The following NBPF12 variants were observed in gnomAD, a reference collection of about 807,000 sequenced individuals.
NBPF12 encodes the protein NBPF family member NBPF12.
A neutral mutation model predicts 146.4 loss-of-function variants in NBPF12; 115 were observed. That is an observed-to-expected ratio of 0.79 (90% confidence interval 0.68 to 0.92). NBPF12 has a LOEUF of 0.92. Ranked by LOEUF, NBPF12 falls within the 40% of genes least tolerant of loss-of-function variation. The pLI, the probability that NBPF12 is intolerant of heterozygous loss-of-function variation, is 0.00. For synonymous variants in NBPF12, 385 were observed against 508.9 expected (o/e 0.76, Z 3.28); for missense variants, 1,205 against 1,326.8 (o/e 0.91, Z 1.43).
rs1471997893 is a variant in NBPF12 at position 146,957,918 on chromosome 1, C to T, written c.-183-1941C>T. On this transcript the variant is annotated intron_variant, in intron 2 of 33. Coordinates refer to ENST00000617844, the Ensembl canonical transcript of NBPF12. The stretch of plus-strand genomic sequence containing the variant: ...ATATATATACACGTATGTATATACA[C>T]GTATATAATATATATTCGTGTGTGT... Among the ~76,000 whole-genome samples, 728 of 115,264 alleles carry T rather than the reference C, an allele frequency of 6.3e-3. 137 individuals are homozygous for T. Among genetic ancestry groups the T allele is most frequent in the Non-Finnish European group, 9.3e-3 (512 of 54,952 alleles). 75.6% of individuals were successfully genotyped at this position (115,264 alleles called of 152,430 possible).
At chr1:146,992,730 G>GGCT (rs1658285255) in exon 32 of NBPF12, 1 of 675,314 alleles carries the variant, frequency 1.5e-6, no homozygotes, top group Non-Finnish European at 2.7e-6. Context: ...GGGAGCTGCT[G>GGCT]GAGGTAGTAG....
intron 2 of NBPF12, among the ~76,000 whole-genome samples, chr1:146,959,123 AAAATG>A (rs1655723692): frequency 1.0e-5 from 1 of 99,828 alleles, no homozygotes; most frequent in African/African-American, 3.6e-5. Flanking sequence ...TGGCCAAAAC[AAAATG>A]AAACAAGGGA....
At chr1:146,994,261 C>T in intron 33 of NBPF12, 71 bp from the exon 37 acceptor site, 4 of 1,610,644 alleles carry the variant, frequency 2.5e-6, no homozygotes, top group African/African-American at 1.3e-5. Flanking sequence ...TATGTTACTT[C>T]TGAAATCTAG....
At chr1:146,981,610 G>A (rs1657399455) in intron 19 of NBPF12, among the ~76,000 whole-genome samples, 1 of 151,794 alleles carries the variant, frequency 6.6e-6, no homozygotes, top group Non-Finnish European at 1.5e-5. Flanking sequence ...TTCCTTGTTA[G>A]GTTGGGGAAG....
chr1:146,968,827 C>A (rs1374582474), intron 10 of NBPF12, among the ~76,000 whole-genome samples: 3 of 151,338 alleles, frequency 2.0e-5, no homozygotes, highest in Non-Finnish European at 4.4e-5. Context: ...GAGTGTGAAC[C>A]ACACAGCAGC....
Position 146,968,519 on chromosome 1 carries a change from GC to G in NBPF12, c.1061del (p.Ala354GlufsTer4), listed in dbSNP as rs1656349363. 1.9e-6 allele frequency: 3 copies of G among 1,610,522 alleles called. No homozygotes were observed. The South Asian group carries it at 3.3e-5, about 18-fold the overall frequency. ...GCTACAGTTCAAGGAGGAGAAGCTT[GC>G]AGAGCAGCTGAAGCAAGCTGAGGAG... On this transcript the variant is annotated frameshift_variant, in exon 10 of 34. Coordinates refer to ENST00000617844, the Ensembl canonical transcript of NBPF12. LOFTEE classifies it high-confidence loss of function.
chr1:146,984,719 C>G (rs1337473761), intron 21 of NBPF12, 94 bp from the exon 25 acceptor site: 2 of 744,546 alleles, frequency 2.7e-6, no homozygotes, highest in Non-Finnish European at 4.7e-6. Flanking sequence ...TTTTTCTTTT[C>G]AAACTCTTCC....
intron 6 of NBPF12, 30 bp from the exon 10 acceptor site, chr1:146,964,327 C>G: frequency 3.9e-6 from 6 of 1,519,520 alleles, no homozygotes; most frequent in Non-Finnish European, 9.1e-7. Flanking sequence ...TGAAGTGGGA[C>G]ATATCTGAAT....
exon 21 of NBPF12, chr1:146,984,154 A>G: frequency 1.1e-6 from 1 of 892,062 alleles, no homozygotes; most frequent in Non-Finnish European, 1.8e-6. Flanking sequence ...GGATCAAGTG[A>G]AAAAGGAGGA....
intron 13 of NBPF12, 63 bp from the exon 17 acceptor site, chr1:146,972,688 G>T: frequency 6.9e-6 from 9 of 1,308,390 alleles, no homozygotes; most frequent in Admixed American, 1.7e-5. Context: ...CCTCAGTCCT[G>T]ATTAAGCCTA....
Position 146,976,738 on chromosome 1 carries a change from C to A in NBPF12, c.2120-191C>A, listed in dbSNP as rs1445568491. On this transcript the variant is annotated intron_variant, in intron 16 of 33. Transcript: ENST00000617844. ...TTGGCCACATCTTGATGGTGGCCCTCCAGATCAGAAATGCATTGCCTGATG... is the reference window on the plus strand; with the variant it reads ...TTGGCCACATCTTGATGGTGGCCCTACAGATCAGAAATGCATTGCCTGATG... Among the ~76,000 whole-genome samples, 288 of 151,190 alleles carry A rather than the reference C, an allele frequency of 1.9e-3. 1 individual carries two copies. The highest frequency in any genetic ancestry group is 3.3e-3 in the Non-Finnish European group (225 of 67,938).
At chr1:146,966,608 G>A (rs1656228718) in exon 9 of NBPF12, 25 of 1,495,258 alleles carry the variant, frequency 1.7e-5, no homozygotes, top group South Asian at 2.3e-5. Flanking sequence ...CAGTTCAGAA[G>A]CCTCAAAGAG....
chr1:146,994,579 G>A, exon 34 of NBPF12: 1 of 1,608,740 alleles, frequency 6.2e-7, no homozygotes, highest in Non-Finnish European at 8.5e-7. Flanking sequence ...ACAATAAGCA[G>A]CCCTTACTAA....
At chr1:146,962,429 A>G (rs1266627659) in intron 5 of NBPF12, among the ~76,000 whole-genome samples, 166 bp downstream of exon 8, 1 of 150,534 alleles carries the variant, frequency 6.6e-6, no homozygotes, top group Non-Finnish European at 1.5e-5. Context: ...GGATAATAAT[A>G]AGTTCTGTGT....
upstream of NBPF12, among the ~76,000 whole-genome samples, chr1:146,949,058 A>T (rs1391953566): frequency 6.6e-6 from 1 of 151,882 alleles, no homozygotes; most frequent in Admixed American, 6.5e-5. Context: ...CTATTATCCT[A>T]TTGTCCTGCC....
At chr1:146,949,022 G>A (rs1425655144), upstream of NBPF12, among the ~76,000 whole-genome samples, 38 of 151,974 alleles carry the variant, frequency 2.5e-4, no homozygotes, top group Non-Finnish European at 4.1e-4. Flanking sequence ...ATTTGTTCAC[G>A]TGTTTACCTG....
intron 20 of NBPF12, among the ~76,000 whole-genome samples, chr1:146,983,869 TG>T (rs1657538847): frequency 7.3e-6 from 1 of 136,770 alleles, no homozygotes; most frequent in African/African-American, 2.7e-5. Context: ...GGGAAAAAAT[TG>T]CTCATTTGTG....
rs1329306170 is a variant in NBPF12, at chr1:146,960,737, C to G, written c.175+419C>G. 5.8e-3 allele frequency among the ~76,000 whole-genome samples: 883 copies of G among 151,998 alleles called. 8 individuals are homozygous for G. The highest frequency in any genetic ancestry group is 0.02 in the African/African-American group (832 of 41,362). On this transcript the variant is annotated intron_variant, in intron 4 of 33. Coordinates refer to ENST00000617844, the Ensembl canonical transcript of NBPF12. ...CTGTTGAGGCCCAACAGGCAAAGCT[C>G]TGTTCTAGTGACTCTGAGGGGAACT...
In NBPF12 at chr1:146,957,899, A is replaced by ATATG. The variant is rs1655669920; in HGVS notation, c.-183-1958_-183-1957insTGTA. ...GTATATTATGTATATACACATATAT[A>ATATG]TACACGTATGTATATACACGTATAT... On this transcript the variant is annotated intron_variant, in intron 2 of 33. Coordinates refer to ENST00000617844, the Ensembl canonical transcript of NBPF12. Among the ~76,000 whole-genome samples, 715 of 105,260 alleles carry ATATG rather than the reference A, an allele frequency of 6.8e-3. 147 individuals carry two copies. Among genetic ancestry groups the ATATG allele is most frequent in the Non-Finnish European group, 0.012 (618 of 51,590 alleles). 69.1% of individuals were successfully genotyped at this position (105,260 alleles called of 152,430 possible). A position where few individuals can be genotyped will look rare whatever the true frequency, so the allele number is the denominator to read the frequency against.
Sources: gnomAD v4.1 joint callset for allele counts (sites outside exome capture counted in the v4.1 genomes callset) on GRCh38, gnomAD v4.1.1 for gene constraint, MANE v1.5 for transcripts, NCBI Gene and HGNC (gene_info 2026-07-23, HGNC 2026-07-21) for gene names.